The following WDTC1 variants were observed in gnomAD, a reference collection of about 807,000 sequenced individuals.
The protein encoded by WDTC1 is WD and tetratricopeptide repeats 1.
A neutral mutation model predicts 76.0 loss-of-function variants in WDTC1; 12 were observed. The ratio of observed to expected loss-of-function variants is 0.16; its 90% CI spans 0.10 to 0.26. The LOEUF is 0.26. Ranked by LOEUF, WDTC1 falls within the 10% of genes least tolerant of loss-of-function variation. The pLI, the probability that WDTC1 is intolerant of heterozygous loss-of-function variation, is 1.00. For synonymous variants in WDTC1, 326 were observed against 350.8 expected, an observed-to-expected ratio of 0.93 and a Z score of 0.79; for missense variants, 511 against 908.8, an observed-to-expected ratio of 0.56 and a Z score of 5.63.
rs2012977632 is a variant in WDTC1 at position 27,274,903 on chromosome 1, G to C, written c.133-7336G>C. Among the ~76,000 whole-genome samples the C allele has an allele frequency of 6.6e-6, 1 of 152,196 alleles. No individual in the cohort carries two copies. Among genetic ancestry groups the C allele is most frequent in the South Asian group, 2.1e-4 (1 of 4,826 alleles). On this transcript the variant is annotated intron_variant, in intron 3 of 15. Coordinates refer to ENST00000319394, the MANE Select transcript of WDTC1 (RefSeq NM_001276252.2). This position sits in a 1 kb window ranked among gnomAD's most constrained non-coding sequence, Gnocchi z 4.2. ...ATTAGACACATGGTAGAGAGAAGAA[G>C]AAAGGAATCTCACTTTACAAATCAG...
At chr1:27,293,782 A>G (rs1179060743) in intron 7 of WDTC1, among the ~76,000 whole-genome samples, 1 of 152,170 alleles carries the variant, frequency 6.6e-6, no homozygotes, top group Admixed American at 6.5e-5. Context: ...TGTTTGTAAA[A>G]TGGGAAAAAT....
intron 1 of WDTC1, among the ~76,000 whole-genome samples, chr1:27,242,467 T>G (rs1339928111): frequency 6.6e-6 from 1 of 151,688 alleles, no homozygotes; most frequent in African/African-American, 2.4e-5. Context: ...CTAGACCCTG[T>G]CTCTTTTTTT....
chr1:27,251,130 A>T (rs1362517802), intron 1 of WDTC1, among the ~76,000 whole-genome samples: 1 of 130,422 alleles, frequency 7.7e-6, no homozygotes, highest in Non-Finnish European at 1.5e-5. Context: ...ACCACAGGTG[A>T]TCTGCCCACC....
chr1:27,253,245 G>A (rs2012143665), intron 1 of WDTC1, among the ~76,000 whole-genome samples: 1 of 151,842 alleles, frequency 6.6e-6, no homozygotes, highest in South Asian at 2.1e-4. Flanking sequence ...CCTGACCTTG[G>A]CCTCCTTGAT....
intron 11 of WDTC1, 49 bp downstream of exon 11, chr1:27,297,205 T>A (rs369805743): frequency 4.1e-5 from 60 of 1,481,330 alleles, no homozygotes; most frequent in African/African-American, 5.6e-5. Flanking sequence ...TTACACTATA[T>A]GGACTGGAGG....
At chr1:27,294,304 C>T (rs923045453) in intron 8 of WDTC1, among the ~76,000 whole-genome samples, 188 bp downstream of exon 8, 1 of 152,088 alleles carries the variant, frequency 6.6e-6, no homozygotes, top group African/African-American at 2.4e-5. Context: ...AAAAGAAACT[C>T]ATCAAGGTTA....
intron 3 of WDTC1, among the ~76,000 whole-genome samples, chr1:27,273,833 G>A (rs1415584251): frequency 3.9e-5 from 6 of 152,026 alleles, no homozygotes. Flanking sequence ...GTGTGTGTGT[G>A]TGTGTGTGCG....
intron 1 of WDTC1, among the ~76,000 whole-genome samples, chr1:27,243,665 C>T (rs1246751519): frequency 2.0e-5 from 3 of 152,180 alleles, no homozygotes; most frequent in Non-Finnish European, 4.4e-5. Context: ...GCACCTGTCT[C>T]ATAGGATTAT....
chr1:27,235,353 A>T (rs1459310555), intron 1 of WDTC1, among the ~76,000 whole-genome samples: 2 of 151,250 alleles, frequency 1.3e-5, no homozygotes, highest in African/African-American at 4.9e-5. Context: ...CTGCCCTCTT[A>T]GCTTCTCGCT....
intron 1 of WDTC1, 104 bp downstream of exon 1, chr1:27,235,055 G>C (rs1557470102): frequency 2.9e-6 from 1 of 342,034 alleles, no homozygotes; most frequent in African/African-American, 2.1e-5. Flanking sequence ...CTCCAGCCCT[G>C]CCGGCCTGGG....
chr1:27,238,923 G>A (rs1472296432), intron 1 of WDTC1, among the ~76,000 whole-genome samples: 1 of 149,330 alleles, frequency 6.7e-6, no homozygotes, highest in Non-Finnish European at 1.5e-5. Flanking sequence ...GCCCAGGCTG[G>A]TCTTGAACTC....
chr1:27,268,048 T>A (rs1258487775), intron 3 of WDTC1, among the ~76,000 whole-genome samples: 4 of 152,222 alleles, frequency 2.6e-5, no homozygotes, highest in Non-Finnish European at 5.9e-5. Context: ...ATGGTGTTTG[T>A]ACCAACTTTT....
Position 27,292,248 on chromosome 1 carries a change from G to A in WDTC1, c.513G>A (p.Ser171=), listed in dbSNP as rs371648287. Residue 171 remains serine (S), a synonymous_variant, in exon 7 of 16, where the codon TCG becomes TCA. Coordinates refer to ENST00000319394, the MANE Select transcript of WDTC1 (RefSeq NM_001276252.2). The part of the protein sequence containing the change: ...QYDLRENSKH[S]EVLIDLTEYC... ...ACCTTCGAGAGAACAGCAAACACTCGGAGGTGCTGATTGACCTGACAGAGT... is the reference window on the plus strand; with the variant it reads ...ACCTTCGAGAGAACAGCAAACACTCAGAGGTGCTGATTGACCTGACAGAGT... 18 of 1,607,052 alleles carry A rather than the reference G, an allele frequency of 1.1e-5. No homozygotes were observed. Among genetic ancestry groups the A allele is most frequent in the South Asian group, 3.3e-5 (3 of 89,888 alleles).
chr1:27,306,477 C>A lies in WDTC1; in HGVS notation c.*94C>A. ...ATTCTGTTTTGGTTTGTCTTCCCCA[C>A]CACCCTTTTTTTTCATTTCCCCTGT... On this transcript the variant is annotated 3_prime_UTR_variant, in exon 16 of 16. Coordinates refer to ENST00000319394, the MANE Select transcript of WDTC1 (RefSeq NM_001276252.2). This position sits in a 1 kb window ranked among gnomAD's most constrained non-coding sequence, Gnocchi z 5.0. 1 of 1,401,696 alleles carries A rather than the reference C, an allele frequency of 7.1e-7. No individual in the cohort carries two copies. The allele number at this position is 1,401,696 out of a possible 1,614,324, so 86.8% of individuals were successfully genotyped here. A position where few individuals can be genotyped will look rare whatever the true frequency, so the allele number is the denominator to read the frequency against.
chr1:27,296,986 C>T lies in WDTC1; in HGVS notation c.950-62C>T, dbSNP rs1177378479. The T allele has an allele frequency of 4.1e-6, 6 of 1,451,286 alleles. No homozygotes were observed. In the East Asian group the frequency reaches 1.4e-4, roughly 33 times the overall value. The allele number at this position is 1,451,286 out of a possible 1,614,324, so 89.9% of individuals were successfully genotyped here. A position where few individuals can be genotyped will look rare whatever the true frequency, so the allele number is the denominator to read the frequency against. ...CCCCGTGATGGAAGCTAGAGGGCTG[C>T]CAGGAAGAAATGGGTCCTCTTCCTG... On this transcript the variant is annotated intron_variant, in intron 10 of 15. Coordinates refer to ENST00000319394, the MANE Select transcript of WDTC1 (RefSeq NM_001276252.2).
At chr1:27,289,819 C>T (rs1259336365) in intron 6 of WDTC1, among the ~76,000 whole-genome samples, 1 of 152,128 alleles carries the variant, frequency 6.6e-6, no homozygotes, top group Non-Finnish European at 1.5e-5. Context: ...CCCGTCTCCA[C>T]CAAAAAAATA....
At chr1:27,292,602 A>C (rs2013565262) in intron 7 of WDTC1, among the ~76,000 whole-genome samples, 1 of 151,498 alleles carries the variant, frequency 6.6e-6, no homozygotes, top group Admixed American at 6.6e-5. Flanking sequence ...TAATTTTTTA[A>C]TTTTTTTATA....
chr1:27,279,949 A>G (rs930841850), intron 3 of WDTC1, among the ~76,000 whole-genome samples: 10 of 152,222 alleles, frequency 6.6e-5, no homozygotes, highest in African/African-American at 1.9e-4. Context: ...CAGCTATCAA[A>G]GTAACCACTC....
At chr1:27,290,156 A>G (rs1199888541) in intron 6 of WDTC1, among the ~76,000 whole-genome samples, 1 of 152,146 alleles carries the variant, frequency 6.6e-6, no homozygotes, top group East Asian at 1.9e-4. Flanking sequence ...ATCATGGCTC[A>G]CTGCAGCCTT....
Sources: gnomAD v4.1 joint callset for allele counts (sites outside exome capture counted in the v4.1 genomes callset) on GRCh38, gnomAD v4.1.1 for gene constraint, Gnocchi (gnomAD v3.1) non-coding constraint, MANE v1.5 for transcripts, NCBI Gene and HGNC (gene_info 2026-07-23, HGNC 2026-07-21) for gene names.